Variants in FBXO31 observed in about 807,000 individuals in gnomAD.
The protein encoded by FBXO31 is F-box protein 31, also known as F-box only protein 31.
Under a neutral mutation model 54.4 loss-of-function variants are expected in FBXO31, and 24 were observed. The observed-to-expected ratio is 0.44, with a 90% confidence interval of 0.32 to 0.62. The LOEUF is 0.62. Among genes scored for constraint, FBXO31 ranks in the 20% least tolerant of loss-of-function variants. FBXO31 has a pLI of 0.05. For missense variants in FBXO31, 665 were observed against 787.1 expected, an observed-to-expected ratio of 0.84 and a Z score of 1.86; for synonymous variants, 388 against 335.6, an observed-to-expected ratio of 1.16 and a Z score of -1.71.
intron 1 of FBXO31, among the ~76,000 whole-genome samples, chr16:87,361,859 C>T (rs988832463): frequency 3.3e-5 from 5 of 152,238 alleles, no homozygotes; most frequent in African/African-American, 1.2e-4. Context: ...TGTGCCTTGA[C>T]AGCATGTCCC....
intron 1 of FBXO31, among the ~76,000 whole-genome samples, chr16:87,360,839 C>G (rs1906100949): frequency 6.6e-6 from 1 of 152,160 alleles, no homozygotes; most frequent in African/African-American, 2.4e-5. Context: ...GGGGACCGTG[C>G]AAGACATGGG....
At chr16:87,333,501 T>G (rs188351378) in intron 8 of FBXO31, among the ~76,000 whole-genome samples, 1 of 152,324 alleles carries the variant, frequency 6.6e-6, no homozygotes, top group Admixed American at 6.5e-5. Flanking sequence ...GCCTTGTTCA[T>G]TCTCTACTTT....
At chr16:87,384,221 G>A (rs914366759), upstream of FBXO31, 1 of 152,358 alleles carries the variant, frequency 6.6e-6, no homozygotes, top group Non-Finnish European at 1.5e-5. Flanking sequence ...GCGCCTTACA[G>A]CCTCCAAATA....
intron 1 of FBXO31, among the ~76,000 whole-genome samples, chr16:87,371,516 T>C (rs928175896): frequency 1.3e-5 from 2 of 152,396 alleles, no homozygotes; most frequent in Middle Eastern, 3.4e-3. Context: ...CCTCCATTCA[T>C]GCCAGGCAGG....
upstream of FBXO31, among the ~76,000 whole-genome samples, chr16:87,391,375 A>G (rs775733465): frequency 1.2e-4 from 18 of 152,250 alleles, no homozygotes; most frequent in Non-Finnish European, 2.2e-4. Flanking sequence ...GGTGGGCAAT[A>G]GCAACCAAAT....
In FBXO31 at chr16:87,333,226, C is replaced by T. The variant is rs547818230; in HGVS notation, c.1397+660G>A. Among the ~76,000 whole-genome samples the T allele has an allele frequency of 2.7e-5, 4 of 150,494 alleles. No individual in the cohort carries two copies. In the East Asian group the frequency reaches 7.7e-4, roughly 29 times the overall value. ...GACAGGAGCTGGCAGCTGTGCAAGC[C>T]TCGTCCCATGTCAGCCGCCCAAGCC... is the stretch of plus-strand genomic sequence containing the variant. On this transcript the variant is annotated intron_variant, in intron 8 of 8. Coordinates refer to ENST00000311635, the MANE Select transcript of FBXO31 (RefSeq NM_024735.5).
chr16:87,342,648 T>C (rs1905228232), intron 5 of FBXO31, among the ~76,000 whole-genome samples: 1 of 152,136 alleles, frequency 6.6e-6, no homozygotes, highest in African/African-American at 2.4e-5. Flanking sequence ...GCCTGTGTGG[T>C]TCGTTCGTTC....
intron 2 of FBXO31, among the ~76,000 whole-genome samples, chr16:87,348,605 C>G (rs1652738815): frequency 6.6e-6 from 1 of 152,146 alleles, no homozygotes; most frequent in Admixed American, 6.5e-5. Context: ...TGGACACCTC[C>G]CCATCACGGT....
At chr16:87,348,163 G>A (rs113008011) in intron 2 of FBXO31, among the ~76,000 whole-genome samples, 3 of 152,016 alleles carry the variant, frequency 2.0e-5, no homozygotes, top group Non-Finnish European at 2.9e-5. Context: ...CTCTCTCCAC[G>A]ACTCCCTGGC....
chr16:87,391,406 C>A (rs116567269), upstream of FBXO31, among the ~76,000 whole-genome samples: 287 of 152,362 alleles, frequency 1.9e-3, 1 homozygote, highest in African/African-American at 6.5e-3. Flanking sequence ...GGTTTACGCA[C>A]TGCAGCCCAT....
At position 87,328,064 on chromosome 16, in the gene FBXO31, G is replaced by T. The variant is rs563825683; in HGVS notation, c.*3224C>A. On this transcript the variant is annotated 3_prime_UTR_variant, in exon 9 of 9. Coordinates refer to ENST00000311635, the MANE Select transcript of FBXO31 (RefSeq NM_024735.5). ...CGTTCTGAAGTAACAAAGGGGCTGAGGAGTTTCTGCTGCTGTCCGTGACTG... is the reference window on the plus strand; with the variant it reads ...CGTTCTGAAGTAACAAAGGGGCTGATGAGTTTCTGCTGCTGTCCGTGACTG... The T allele has an allele frequency of 4.6e-5, 7 of 152,394 alleles. No homozygotes were observed. The South Asian group carries it at 1.0e-3, about 23-fold the overall frequency. The allele number at this position is 152,394 out of a possible 1,614,324, so 9.4% of individuals were successfully genotyped here.
Position 87,335,561 on chromosome 16 carries a change from C to T in FBXO31, c.843-104G>A. On this transcript the variant is annotated intron_variant, in intron 6 of 8. Transcript: ENST00000311635. The surrounding 1 kb of genome is among the most constrained non-coding windows in gnomAD (Gnocchi z 5.7). Reference sequence around the variant, plus strand: ...GCTTTGCAGGGCGGGGTAGGGCGGGCAGCTCAGCTCAACCAGGGCCAGGTG... The same window carrying T: ...GCTTTGCAGGGCGGGGTAGGGCGGGTAGCTCAGCTCAACCAGGGCCAGGTG... 1 of 1,138,276 alleles carries T rather than the reference C, an allele frequency of 8.8e-7. No individual in the cohort carries two copies. 70.5% of individuals were successfully genotyped at this position (1,138,276 alleles called of 1,614,324 possible). A position where few individuals can be genotyped will look rare whatever the true frequency, so the allele number is the denominator to read the frequency against.
chr16:87,346,673 C>A lies in FBXO31; in HGVS notation c.489+501G>T, dbSNP rs1310104190. On this transcript the variant is annotated intron_variant, in intron 3 of 8. Transcript: ENST00000311635. This position sits in a 1 kb window ranked among gnomAD's most constrained non-coding sequence, Gnocchi z 4.2. ...GCACTTTCTAGCAGGGGCCAGCCAC[C>A]TGCCCAGAGCTCAACAAAGTCAGAG... Among the ~76,000 whole-genome samples the A allele has an allele frequency of 6.6e-6, 1 of 152,230 alleles. No individual in the cohort carries two copies. Among genetic ancestry groups the A allele is most frequent in the Non-Finnish European group, 1.5e-5 (1 of 68,048 alleles).
upstream of FBXO31, chr16:87,388,695 C>G (rs1445913985): frequency 1.3e-5 from 2 of 152,232 alleles, no homozygotes; most frequent in South Asian, 2.1e-4. Context: ...TTACATCACT[C>G]AAGCTGGGCC....
upstream of FBXO31, chr16:87,383,799 G>A (rs1288413496): frequency 5.3e-6 from 6 of 1,133,552 alleles, no homozygotes; most frequent in Non-Finnish European, 6.5e-6. This position sits in a 1 kb window ranked among gnomAD's most constrained non-coding sequence, Gnocchi z 4.9. Context: ...GCGCGGCCCC[G>A]CCCCGCCAGC....
intron 1 of FBXO31, among the ~76,000 whole-genome samples, chr16:87,364,720 T>C (rs1906280298): frequency 6.6e-6 from 1 of 152,010 alleles, no homozygotes; most frequent in South Asian, 2.1e-4. Flanking sequence ...TCATTTAGTT[T>C]CACTTTGCAG....
rs552102859 is a variant in FBXO31 at position 87,363,064 on chromosome 16, A to C, written c.341-2698T>G. ...CTGACTCCTGCTAGTAATGACAGAG[A>C]AAAAACCAACACCAGGTGCAGGTTA... On this transcript the variant is annotated intron_variant, in intron 1 of 8. Coordinates refer to ENST00000311635, the MANE Select transcript of FBXO31 (RefSeq NM_024735.5). Among the ~76,000 whole-genome samples, 6 of 152,282 alleles carry C rather than the reference A, an allele frequency of 3.9e-5. No individual in the cohort carries two copies. The South Asian group carries it at 1.2e-3, about 32-fold the overall frequency.
chr16:87,334,198 T>G lies in FBXO31; in HGVS notation c.1085A>C (p.Asn362Thr). The G allele has an allele frequency of 1.9e-6, 3 of 1,612,668 alleles. No homozygotes were observed. Among genetic ancestry groups the G allele is most frequent in the Non-Finnish European group, 1.7e-6 (2 of 1,179,662 alleles). ...GACGATGCGGGAGAGCTCATTGAAG[T>G]TGCGCTGGTTCTCGAGGTCGGGCAG... ...IQLPDLENQR[N>T]FNELSRIVLE... The change falls in exon 8 of 9, where the codon AAC becomes ACC. Residue 362 changes from asparagine to threonine, a missense_variant. Around this residue, in one of 4 missense-constraint regions of FBXO31, gnomAD observed 165 missense variants for 159.7 expected, o/e 1.03. Coordinates refer to ENST00000311635, the MANE Select transcript of FBXO31 (RefSeq NM_024735.5).
chr16:87,379,389 G>C (rs1241649705), intron 1 of FBXO31, among the ~76,000 whole-genome samples: 1 of 152,224 alleles, frequency 6.6e-6, no homozygotes, highest in Non-Finnish European at 1.5e-5. Context: ...GTAGGTACAA[G>C]GAGTGTGGAG....
Sources: gnomAD v4.1 joint callset for allele counts (sites outside exome capture counted in the v4.1 genomes callset) on GRCh38, gnomAD v4.1.1 for gene constraint, gnomAD v4.1.1 regional missense constraint, Gnocchi (gnomAD v3.1) non-coding constraint, MANE v1.5 for transcripts, NCBI Gene and HGNC (gene_info 2026-07-23, HGNC 2026-07-21) for gene names.